Variants in MAP2K5 observed in about 807,000 individuals in gnomAD.
The protein encoded by MAP2K5 is mitogen-activated protein kinase kinase 5, also known as dual specificity mitogen-activated protein kinase kinase 5.
A neutral mutation model predicts 83.1 loss-of-function variants in MAP2K5; 49 were observed. The ratio of observed to expected loss-of-function variants is 0.59; its 90% CI spans 0.47 to 0.75. MAP2K5 has a LOEUF of 0.75. MAP2K5 is among the 30% of genes least tolerant of loss of function. The pLI, the probability that MAP2K5 is intolerant of heterozygous loss-of-function variation, is 0.00. For missense variants in MAP2K5, 457 were observed against 557.5 expected (o/e 0.82, Z 1.82); for synonymous variants, 202 against 191.8 (o/e 1.05, Z -0.44).
intron 17 of MAP2K5, among the ~76,000 whole-genome samples, chr15:67,731,790 TAA>T (rs1330115192): frequency 6.6e-6 from 1 of 152,198 alleles, no homozygotes; most frequent in Non-Finnish European, 1.5e-5. Context: ...TTTAACTTCT[TAA>T]TTCGTTTGGC....
At chr15:67,627,028 C>T (rs895605031) in intron 8 of MAP2K5, among the ~76,000 whole-genome samples, 1 of 151,774 alleles carries the variant, frequency 6.6e-6, no homozygotes, top group Non-Finnish European at 1.5e-5. Context: ...ACCTCCTGGA[C>T]TCAAGCGACC....
Position 67,748,739 on chromosome 15 carries a change from G to C in MAP2K5, c.1134+138G>C. The C allele has an allele frequency of 1.4e-6, 1 of 708,002 alleles. No individual in the cohort carries two copies. The highest frequency in any genetic ancestry group is 2.3e-6 in the Non-Finnish European group (1 of 425,556). 43.9% of individuals were successfully genotyped at this position (708,002 alleles called of 1,614,324 possible). ...GTTGTATGGCTCTGAGCTATGTTAC[G>C]TGAACTGGCCTTGTCCTGAATCCCA... On this transcript the variant is annotated intron_variant, in intron 19 of 21. Transcript: ENST00000178640. This position sits in a 1 kb window ranked among gnomAD's most constrained non-coding sequence, Gnocchi z 4.0.
At chr15:67,593,721 C>T (rs1159207745) in intron 7 of MAP2K5, among the ~76,000 whole-genome samples, 1 of 152,230 alleles carries the variant, frequency 6.6e-6, no homozygotes, top group Non-Finnish European at 1.5e-5. Flanking sequence ...GCCTATTAGG[C>T]TGTATTGACT....
At chr15:67,658,890 GA>G (rs5813451) in intron 12 of MAP2K5, 462,532 of 466,238 alleles carry the variant, frequency 0.99, 229,537 homozygotes, top group Non-Finnish European at 1. Flanking sequence ...AACTTCTTCT[GA>G]AAAAAAAATG....
Position 67,644,260 on chromosome 15 carries a change from G to A in MAP2K5, c.586-1971G>A, listed in dbSNP as rs780711791. ...AATAGAAAAATCAACCGGGTGTGGT[G>A]GCAGGTGCCTGTAATCCCAGCTACT... On this transcript the variant is annotated intron_variant, in intron 9 of 21. Transcript: ENST00000178640. The surrounding 1 kb of genome is among the most constrained non-coding windows in gnomAD (Gnocchi z 4.6). Among the ~76,000 whole-genome samples, 3 of 152,170 alleles carry A rather than the reference G, an allele frequency of 2.0e-5. No homozygotes were observed. Among genetic ancestry groups the A allele is most frequent in the South Asian group, 2.1e-4 (1 of 4,832 alleles).
intron 8 of MAP2K5, among the ~76,000 whole-genome samples, chr15:67,621,434 G>GAAAAAAAAAAAAAAAAAAAAAAAAAA: frequency 8.4e-6 from 1 of 118,990 alleles, no homozygotes; most frequent in Non-Finnish European, 1.7e-5. Context: ...ACAAAAGTTT[G>GAAAAAAAAAAAAAAAAAAAAAAAAAA]AAAAAAAAAA....
chr15:67,761,735 C>T (rs747685006), intron 19 of MAP2K5, among the ~76,000 whole-genome samples: 13 of 152,126 alleles, frequency 8.5e-5, no homozygotes, highest in Admixed American at 2.6e-4. Context: ...AACTCTTTAT[C>T]TATGAAAAGA....
intron 7 of MAP2K5, among the ~76,000 whole-genome samples, chr15:67,595,205 T>C (rs2085497885): frequency 6.6e-6 from 1 of 152,174 alleles, no homozygotes; most frequent in African/African-American, 2.4e-5. Flanking sequence ...CTGGGTTCAT[T>C]GATATAGGTT....
intron 21 of MAP2K5, among the ~76,000 whole-genome samples, chr15:67,788,236 C>T (rs1453451704): frequency 6.6e-6 from 1 of 152,222 alleles, no homozygotes; most frequent in Non-Finnish European, 1.5e-5. Flanking sequence ...TCTGGGGCCC[C>T]CAGGCCTTCT....
rs71142384 is a variant in MAP2K5, at chr15:67,592,118, C to CAAAAAAAAAAAAAA, written c.432-804_432-791dup. On this transcript the variant is annotated intron_variant, in intron 6 of 21. Coordinates refer to ENST00000178640, the MANE Select transcript of MAP2K5 (RefSeq NM_145160.3). ...GGGCAACAAGAGTGAAACTATGTCTCAAAAAAAAAAAAAAAAAGGACTTTC... is the reference window on the plus strand; with the variant it reads ...GGGCAACAAGAGTGAAACTATGTCTCAAAAAAAAAAAAAAAAAAAAAAAAAAAAAAAGGACTTTC... 5.9e-5 allele frequency among the ~76,000 whole-genome samples: 7 copies of CAAAAAAAAAAAAAA among 117,984 alleles called. 3 individuals are homozygous for CAAAAAAAAAAAAAA. Among genetic ancestry groups the CAAAAAAAAAAAAAA allele is most frequent in the Admixed American group, 1.9e-4 (2 of 10,746 alleles). The allele number at this position is 117,984 out of a possible 152,430, so 77.4% of individuals were successfully genotyped here.
intron 9 of MAP2K5, among the ~76,000 whole-genome samples, chr15:67,632,393 C>G (rs2086495689): frequency 6.6e-6 from 1 of 152,178 alleles, no homozygotes; most frequent in African/African-American, 2.4e-5. Flanking sequence ...AGCCACCACG[C>G]CCAGCTATGC....
chr15:67,752,384 A>G (rs1260404183), intron 19 of MAP2K5, among the ~76,000 whole-genome samples: 2 of 152,096 alleles, frequency 1.3e-5, no homozygotes, highest in African/African-American at 4.8e-5. Flanking sequence ...TCAGGAGTAC[A>G]AAGACTGAAG....
chr15:67,556,590 C>T (rs1404444028), intron 2 of MAP2K5, among the ~76,000 whole-genome samples: 8 of 142,978 alleles, frequency 5.6e-5, no homozygotes, highest in Admixed American at 2.2e-4. Context: ...CTTGCTCTGT[C>T]GCCTAGGCTG....
At chr15:67,692,673 C>T in intron 14 of MAP2K5, 121 bp downstream of exon 14, 2 of 692,084 alleles carry the variant, frequency 2.9e-6, no homozygotes, top group Non-Finnish European at 5.0e-6. Context: ...TGCATCTTTT[C>T]CTCATCTGGG....
chr15:67,732,682 C>T (rs955297819), intron 17 of MAP2K5, among the ~76,000 whole-genome samples: 2 of 151,318 alleles, frequency 1.3e-5, no homozygotes, highest in Non-Finnish European at 2.9e-5. Context: ...TCAAAAATTC[C>T]GACTCCCCGC....
At chr15:67,742,938 A>C (rs2089526709) in intron 17 of MAP2K5, among the ~76,000 whole-genome samples, 1 of 152,192 alleles carries the variant, frequency 6.6e-6, no homozygotes, top group African/African-American at 2.4e-5. Context: ...CCAGCAAATG[A>C]ATAATGTTTT....
At chr15:67,772,531 C>A (rs1291196420) in intron 20 of MAP2K5, among the ~76,000 whole-genome samples, 176 bp from the exon 21 acceptor site, 1 of 152,082 alleles carries the variant, frequency 6.6e-6, no homozygotes, top group Non-Finnish European at 1.5e-5. Flanking sequence ...AGAAATCTGA[C>A]TAAGTAAAGA....
At chr15:67,670,568 G>A (rs2087505855) in intron 13 of MAP2K5, 7 of 376,132 alleles carry the variant, frequency 1.9e-5, no homozygotes, top group South Asian at 1.4e-4. Context: ...AGACACTCTA[G>A]AAAGAAGTTT....
In MAP2K5 at chr15:67,677,300, T is replaced by G. The variant is rs942088073; in HGVS notation, c.847+12655T>G. Reference sequence around the variant, plus strand: ...GTCCTTGGGCAAGTAATTTCATTAATTTGAACCTCAATTTCCTCCTCTGTA... The same window carrying G: ...GTCCTTGGGCAAGTAATTTCATTAAGTTGAACCTCAATTTCCTCCTCTGTA... On this transcript the variant is annotated intron_variant, in intron 13 of 21. Transcript: ENST00000178640. The surrounding 1 kb of genome is among the most constrained non-coding windows in gnomAD (Gnocchi z 4.2). Among the ~76,000 whole-genome samples, 1 of 152,002 alleles carries G rather than the reference T, an allele frequency of 6.6e-6. No individual in the cohort carries two copies. Among genetic ancestry groups the G allele is most frequent in the Non-Finnish European group, 1.5e-5 (1 of 68,034 alleles).
Sources: allele counts gnomAD v4.1 joint callset (sites outside exome capture counted in the v4.1 genomes callset), GRCh38; gene constraint gnomAD v4.1.1; non-coding constraint Gnocchi (gnomAD v3.1); transcripts MANE v1.5; gene names NCBI Gene and HGNC (gene_info 2026-07-23, HGNC 2026-07-21).